Variants in CAMK2A observed in about 807,000 individuals in gnomAD.
CAMK2A encodes the protein calcium/calmodulin-dependent protein kinase type II subunit alpha.
A neutral mutation model predicts 79.2 loss-of-function variants in CAMK2A; 7 were observed. The observed-to-expected ratio is 0.09, with a 90% CI of 0.05 to 0.17. CAMK2A has a LOEUF of 0.17. Among genes scored for constraint, CAMK2A ranks in the 10% least tolerant of loss-of-function variants. CAMK2A has a pLI of 1.00. For missense variants in CAMK2A, 214 were observed against 646.4 expected (o/e 0.33, Z 7.25); for synonymous variants, 242 against 251.7 (o/e 0.96, Z 0.36).
intron 13 of CAMK2A, among the ~76,000 whole-genome samples, chr5:150,241,635 T>G (rs369106811): frequency 3.0e-5 from 4 of 131,286 alleles, no homozygotes; most frequent in African/African-American, 1.2e-4. Flanking sequence ...TCTCCTCCCC[T>G]CTCCTCCTTC....
chr5:150,280,774 C>T (rs1372810195), intron 1 of CAMK2A, among the ~76,000 whole-genome samples: 1 of 152,154 alleles, frequency 6.6e-6, no homozygotes, highest in Non-Finnish European at 1.5e-5. Flanking sequence ...GCCGTGCTCT[C>T]CCAGCCTTCT....
intron 1 of CAMK2A, among the ~76,000 whole-genome samples, chr5:150,280,204 C>T (rs541306130): frequency 1.8e-4 from 28 of 152,322 alleles, no homozygotes; most frequent in African/African-American, 9.6e-5. Context: ...CTCAGAGCCA[C>T]GTTACATCTG....
intron 1 of CAMK2A, among the ~76,000 whole-genome samples, chr5:150,277,586 G>A (rs1757005069): frequency 6.6e-6 from 1 of 152,252 alleles, no homozygotes; most frequent in African/African-American, 2.4e-5. Flanking sequence ...GCTCCTCACT[G>A]AAGGTCCATG....
At chr5:150,229,837 C>T (rs766127158) in intron 16 of CAMK2A, among the ~76,000 whole-genome samples, 18 of 152,336 alleles carry the variant, frequency 1.2e-4, no homozygotes, top group South Asian at 6.2e-4. Flanking sequence ...CACGCACCTG[C>T]GCACCCTCCT....
chr5:150,281,714 G>T (rs1357824340), intron 1 of CAMK2A, among the ~76,000 whole-genome samples: 1 of 152,212 alleles, frequency 6.6e-6, no homozygotes. Flanking sequence ...CAGTGAGTGT[G>T]CATTTTGGAA....
At chr5:150,238,534 G>GGTGGTACT (rs1366321819) in intron 15 of CAMK2A, 166 bp downstream of exon 15, 1 of 727,694 alleles carries the variant, frequency 1.4e-6, no homozygotes, top group South Asian at 1.5e-5. Context: ...CGCCCTCCAT[G>GGTGGTACT]GGAATGATGC....
chr5:150,267,752 A>T (rs1167605492), intron 2 of CAMK2A, among the ~76,000 whole-genome samples: 2 of 152,060 alleles, frequency 1.3e-5, no homozygotes, highest in Non-Finnish European at 2.9e-5. Flanking sequence ...GGAGAAACTG[A>T]GGCCTGTTGA....
chr5:150,272,586 AAG>A (rs1554123921), intron 2 of CAMK2A, among the ~76,000 whole-genome samples: 3 of 150,404 alleles, frequency 2.0e-5, no homozygotes, highest in Non-Finnish European at 4.4e-5. Flanking sequence ...AAAAAAAAAA[AAG>A]AGAGAGAGAG....
intron 13 of CAMK2A, among the ~76,000 whole-genome samples, chr5:150,244,043 T>C (rs11744389): frequency 0.36 from 55,091 of 152,128 alleles, 10,616 homozygotes; most frequent in East Asian, 0.49. Context: ...AATAACCAAA[T>C]AATTATGTAT....
chr5:150,289,688 C>A lies in CAMK2A; in HGVS notation c.-63G>T. 7.2e-7 allele frequency: 1 copy of A among 1,384,466 alleles called. No homozygotes were observed. Among genetic ancestry groups the A allele is most frequent in the South Asian group, 1.2e-5 (1 of 84,734 alleles). 85.8% of individuals were successfully genotyped at this position (1,384,466 alleles called of 1,614,324 possible). A position where few individuals can be genotyped will look rare whatever the true frequency, so the allele number is the denominator to read the frequency against. On this transcript the variant is annotated 5_prime_UTR_variant, in exon 1 of 19. Transcript: ENST00000671881. ...GGACCAGGACTGAGGCGCTGCTGCT[C>A]TGCTCCCGAACCTAGGGACCACTTG...
At chr5:150,238,444 G>A (rs556970014) in intron 15 of CAMK2A, 23 of 374,040 alleles carry the variant, frequency 6.1e-5, no homozygotes, top group South Asian at 3.8e-4. Flanking sequence ...AGAGCGAGAC[G>A]TCATCTCAAA....
chr5:150,275,220 G>C (rs1207378916), intron 1 of CAMK2A, among the ~76,000 whole-genome samples: 2 of 152,198 alleles, frequency 1.3e-5, no homozygotes, highest in Non-Finnish European at 2.9e-5. Context: ...CGTGCAGCCT[G>C]TCCATATGCT....
chr5:150,282,622 T>C (rs1329302208), intron 1 of CAMK2A, among the ~76,000 whole-genome samples: 2 of 152,220 alleles, frequency 1.3e-5, no homozygotes, highest in Non-Finnish European at 2.9e-5. Context: ...GTCACTGGCT[T>C]GTGTGACCAT....
chr5:150,250,003 A>G (rs60470319), intron 11 of CAMK2A, among the ~76,000 whole-genome samples: 18,944 of 152,194 alleles, frequency 0.12, 3,815 homozygotes, highest in African/African-American at 0.43. Context: ...CCACTGCCCC[A>G]TAACGCCCCA....
At chr5:150,245,984 T>C (rs907607572) in intron 12 of CAMK2A, among the ~76,000 whole-genome samples, 2 of 152,258 alleles carry the variant, frequency 1.3e-5, no homozygotes, top group Non-Finnish European at 2.9e-5. Flanking sequence ...TGCTTCAGAC[T>C]TAAGCAAATA....
rs1754205891 is a variant in CAMK2A, at chr5:150,219,724, A to G, written c.*2986T>C. 6.6e-6 allele frequency: 1 copy of G among 152,222 alleles called. No individual in the cohort carries two copies. The highest frequency in any genetic ancestry group is 1.5e-5 in the Non-Finnish European group (1 of 67,958). The allele number at this position is 152,222 out of a possible 1,614,324, so 9.4% of individuals were successfully genotyped here. ...GGGAGTCTGGCAAACTCATCCCCCA[A>G]AAGGGTCTCCCTTTGAAGGGAGACA... is the stretch of plus-strand genomic sequence containing the variant. On this transcript the variant is annotated 3_prime_UTR_variant, in exon 19 of 19. Transcript: ENST00000671881.
chr5:150,233,467 A>G (rs1315725485), intron 15 of CAMK2A, among the ~76,000 whole-genome samples: 1 of 152,154 alleles, frequency 6.6e-6, no homozygotes, highest in Non-Finnish European at 1.5e-5. Context: ...CTGGGCTGGG[A>G]ATGAGTCCAT....
At chr5:150,270,681 G>C (rs934035352) in intron 2 of CAMK2A, among the ~76,000 whole-genome samples, 1 of 151,784 alleles carries the variant, frequency 6.6e-6, no homozygotes, top group African/African-American at 2.4e-5. Context: ...GAAGAAAAGC[G>C]GCTGGCAGTT....
intron 16 of CAMK2A, among the ~76,000 whole-genome samples, chr5:150,230,985 C>T (rs1424290574): frequency 6.6e-6 from 1 of 152,122 alleles, no homozygotes; most frequent in Non-Finnish European, 1.5e-5. Context: ...CCTGAGGAGG[C>T]CCATGCTGTG....
Sources: gnomAD v4.1 joint callset for allele counts (sites outside exome capture counted in the v4.1 genomes callset) on GRCh38, gnomAD v4.1.1 for gene constraint, MANE v1.5 for transcripts, NCBI Gene and HGNC (gene_info 2026-07-23, HGNC 2026-07-21) for gene names.